Variants in SORCS3 observed in about 807,000 individuals in gnomAD.
SORCS3 encodes the protein sortilin related VPS10 domain containing receptor 3.
In SORCS3, 57 loss-of-function variants were observed where a neutral mutation model predicts 146.3. The observed-to-expected ratio is 0.39, with a 90% confidence interval of 0.31 to 0.49. The LOEUF is 0.49. Among genes scored for constraint, SORCS3 ranks in the 20% least tolerant of loss-of-function variants. The pLI is 0.92. For missense variants in SORCS3, 1,341 were observed against 1,575.5 expected, an observed-to-expected ratio of 0.85 and a Z score of 2.52; for synonymous variants, 653 against 618.5, an observed-to-expected ratio of 1.06 and a Z score of -0.83.
At chr10:104,791,248 A>G (rs1226405746) in intron 1 of SORCS3, among the ~76,000 whole-genome samples, 3 of 152,172 alleles carry the variant, frequency 2.0e-5, no homozygotes, top group Non-Finnish European at 2.9e-5. Context: ...GGGCAGGCTG[A>G]CCCTGGGCTC....
intron 7 of SORCS3, among the ~76,000 whole-genome samples, chr10:105,132,500 A>C (rs534345027): frequency 5.9e-5 from 9 of 152,084 alleles, no homozygotes; most frequent in Admixed American, 2.0e-4. Context: ...TAAATCCCCA[A>C]CGGGAGCTAG....
intron 4 of SORCS3, among the ~76,000 whole-genome samples, chr10:105,020,212 A>T (rs1232119544): frequency 1.3e-5 from 2 of 152,202 alleles, no homozygotes; most frequent in Non-Finnish European, 2.9e-5. Flanking sequence ...AGGGCTGTTC[A>T]TATACCTGTC....
intron 17 of SORCS3, among the ~76,000 whole-genome samples, chr10:105,213,502 T>C (rs2056646865): frequency 6.6e-6 from 1 of 152,168 alleles, no homozygotes; most frequent in Non-Finnish European, 1.5e-5. Flanking sequence ...ATGGTGGTGA[T>C]GGTCATAGTG....
intron 2 of SORCS3, among the ~76,000 whole-genome samples, chr10:104,864,892 G>C (rs1009183138): frequency 6.6e-6 from 1 of 151,946 alleles, no homozygotes; most frequent in Non-Finnish European, 1.5e-5. Context: ...CCTTCCCCTG[G>C]TGCCCCCAGC....
chr10:105,096,138 A>AG (rs1245855732), intron 6 of SORCS3, among the ~76,000 whole-genome samples: 23 of 133,270 alleles, frequency 1.7e-4, no homozygotes, highest in Non-Finnish European at 3.0e-4. Context: ...ACACAGACAC[A>AG]AACAAACAAG....
intron 14 of SORCS3, among the ~76,000 whole-genome samples, chr10:105,188,278 CATT>C (rs2056491844): frequency 6.6e-6 from 1 of 151,964 alleles, no homozygotes; most frequent in Non-Finnish European, 1.5e-5. Flanking sequence ...GATGAGAGTG[CATT>C]ATTTTTATAA....
At chr10:104,873,444 C>T (rs971731297) in intron 2 of SORCS3, among the ~76,000 whole-genome samples, 1 of 152,076 alleles carries the variant, frequency 6.6e-6, no homozygotes, top group Non-Finnish European at 1.5e-5. Context: ...ATCAACAGCC[C>T]CATTTAGCTT....
chr10:104,759,560 C>T (rs1225316571), intron 1 of SORCS3, among the ~76,000 whole-genome samples: 1 of 152,152 alleles, frequency 6.6e-6, no homozygotes, highest in Non-Finnish European at 1.5e-5. Context: ...TATATAGTTT[C>T]AGCATATTGA....
intron 20 of SORCS3, among the ~76,000 whole-genome samples, chr10:105,229,478 T>C (rs755022252): frequency 4.6e-5 from 7 of 152,232 alleles, no homozygotes; most frequent in Non-Finnish European, 1.0e-4. Flanking sequence ...TAATGGTTAC[T>C]TCTTCCAGTT....
chr10:105,186,798 C>T (rs921067531), intron 14 of SORCS3, among the ~76,000 whole-genome samples: 7 of 150,900 alleles, frequency 4.6e-5, no homozygotes, highest in East Asian at 2.0e-4. Flanking sequence ...GTGGGAGAAT[C>T]GCTTGAAACC....
At chr10:105,085,733 C>A (rs1401080778) in intron 5 of SORCS3, among the ~76,000 whole-genome samples, 2 of 152,104 alleles carry the variant, frequency 1.3e-5, no homozygotes, top group Admixed American at 6.5e-5. Context: ...GATTTAAGGA[C>A]CTTTAGCTGT....
chr10:104,829,380 C>A (rs2017976273), intron 1 of SORCS3, among the ~76,000 whole-genome samples: 1 of 152,066 alleles, frequency 6.6e-6, no homozygotes, highest in East Asian at 1.9e-4. Context: ...TGAGCTGAAT[C>A]TGGAAGCATG....
chr10:104,968,809 T>G (rs2054841884), intron 3 of SORCS3, among the ~76,000 whole-genome samples: 2 of 152,164 alleles, frequency 1.3e-5, no homozygotes, highest in African/African-American at 2.4e-5. Context: ...TTAGCGAGAG[T>G]CACATGTCTC....
At chr10:104,663,814 G>GC (rs529974917) in intron 1 of SORCS3, among the ~76,000 whole-genome samples, 96 of 152,216 alleles carry the variant, frequency 6.3e-4, no homozygotes, top group African/African-American at 2.1e-3. Flanking sequence ...CACACTGGCA[G>GC]CCCCCCACTC....
chr10:105,262,306 C>G, intron 25 of SORCS3, 25 bp from the exon 26 acceptor site: 1 of 1,605,358 alleles, frequency 6.2e-7, no homozygotes, highest in Middle Eastern at 1.7e-4. Flanking sequence ...TGATCTTAAC[C>G]TGATTTTGCT....
At chr10:105,064,564 TCA>T (rs1420682931) in intron 5 of SORCS3, among the ~76,000 whole-genome samples, 1 of 152,172 alleles carries the variant, frequency 6.6e-6, no homozygotes, top group East Asian at 1.9e-4. Context: ...GGTATGAATC[TCA>T]GTCTGAGGCC....
chr10:104,883,694 C>A (rs2133577388), intron 2 of SORCS3, among the ~76,000 whole-genome samples: 1 of 152,220 alleles, frequency 6.6e-6, no homozygotes, highest in South Asian at 2.1e-4. Flanking sequence ...CCCTTTTAAG[C>A]TTTTGAATGC....
rs59233236 is a variant in SORCS3, at chr10:104,756,359, G to A, written c.628-86433G>A. Reference sequence around the variant, plus strand: ...TGATGAGGTTCCTCTACACGCAATAGAAATAAAAGAATGTCTGAATAGTCC... The same window carrying A: ...TGATGAGGTTCCTCTACACGCAATAAAAATAAAAGAATGTCTGAATAGTCC... On this transcript the variant is annotated intron_variant, in intron 1 of 26. Transcript: ENST00000369701. Among the ~76,000 whole-genome samples, 1,437 of 152,298 alleles carry A rather than the reference G, an allele frequency of 9.4e-3. 18 individuals are homozygous for A. Among genetic ancestry groups the A allele is most frequent in the African/African-American group, 0.033 (1,360 of 41,562 alleles).
chr10:104,943,282 G>T (rs908458946), intron 3 of SORCS3, among the ~76,000 whole-genome samples: 3 of 151,974 alleles, frequency 2.0e-5, no homozygotes, highest in African/African-American at 7.3e-5. Context: ...GGTGCATGCT[G>T]CCATGCCCAG....
Sources: allele counts gnomAD v4.1 joint callset (sites outside exome capture counted in the v4.1 genomes callset), GRCh38; gene constraint gnomAD v4.1.1; transcripts MANE v1.5; gene names NCBI Gene and HGNC (gene_info 2026-07-23, HGNC 2026-07-21).